Variants in STK32A observed in about 807,000 individuals in gnomAD.
STK32A encodes the protein serine/threonine-protein kinase 32A.
A neutral mutation model predicts 53.2 loss-of-function variants in STK32A; 41 were observed. That is an observed-to-expected ratio of 0.77 (90% CI 0.60 to 1.00). The LOEUF (loss-of-function observed/expected upper bound fraction) is 1.00. Among genes scored for constraint, STK32A ranks in the 50% least tolerant of loss-of-function variants. STK32A has a pLI of 0.00. For synonymous variants in STK32A, 166 were observed against 162.8 expected, an observed-to-expected ratio of 1.02 and a Z score of -0.15; for missense variants, 458 against 485.8, an observed-to-expected ratio of 0.94 and a Z score of 0.54.
intron 4 of STK32A, among the ~76,000 whole-genome samples, chr5:147,320,043 A>C (rs1162524303): frequency 6.6e-6 from 1 of 152,336 alleles, no homozygotes; most frequent in East Asian, 1.9e-4. Context: ...TCATAAAAAA[A>C]ATCATAACGT....
In STK32A at chr5:147,322,224, T is replaced by A. The variant is rs76725978; in HGVS notation, c.261-1674T>A. Among the ~76,000 whole-genome samples, 950 of 152,290 alleles carry A rather than the reference T, an allele frequency of 6.2e-3. 11 individuals are homozygous for A. Among genetic ancestry groups the A allele is most frequent in the African/African-American group, 0.02 (819 of 41,552 alleles). On this transcript the variant is annotated intron_variant, in intron 4 of 12. Coordinates refer to ENST00000397936, the MANE Select transcript of STK32A (RefSeq NM_001112724.2). ...AAGAATAGTATCTCCCAAAAGGCAA[T>A]ACCAAGCATATGTTTCTCAGGCTTT...
intron 4 of STK32A, among the ~76,000 whole-genome samples, chr5:147,315,513 C>T (rs576470295): frequency 6.6e-6 from 1 of 152,126 alleles, no homozygotes; most frequent in East Asian, 1.9e-4. Flanking sequence ...AGATGAGATG[C>T]CTAGAACAGA....
chr5:147,335,690 G>A (rs1413495105), intron 5 of STK32A, among the ~76,000 whole-genome samples: 2 of 152,232 alleles, frequency 1.3e-5, no homozygotes, highest in Non-Finnish European at 2.9e-5. Context: ...CAGGGCCTGT[G>A]GGATGGGATA....
chr5:147,311,165 G>T (rs1403902785), intron 4 of STK32A, among the ~76,000 whole-genome samples: 1 of 152,142 alleles, frequency 6.6e-6, no homozygotes, highest in Non-Finnish European at 1.5e-5. Flanking sequence ...CATGACCCCT[G>T]CAATCAAACT....
Position 147,378,295 on chromosome 5 carries a change from G to C in STK32A, c.1032+3077G>C, listed in dbSNP as rs750810447. ...GTTCCTCCAGATTGAGCAGAGGTAG[G>C]TGAGCATACAGGAAAGGACAAGAGC... On this transcript the variant is annotated intron_variant, in intron 11 of 12. Coordinates refer to ENST00000397936, the MANE Select transcript of STK32A (RefSeq NM_001112724.2). Among the ~76,000 whole-genome samples, 6 of 152,242 alleles carry C rather than the reference G, an allele frequency of 3.9e-5. No homozygotes were observed. In the East Asian group the frequency reaches 1.2e-3, roughly 29 times the overall value.
intron 11 of STK32A, chr5:147,383,105 G>A (rs1451757984): frequency 3.4e-6 from 1 of 298,452 alleles, no homozygotes; most frequent in Non-Finnish European, 6.1e-6. Context: ...CTGCTGCTGT[G>A]CTAAGAGCTT....
At chr5:147,389,421 C>T (rs1209427199), downstream of STK32A, among the ~76,000 whole-genome samples, 3 of 152,110 alleles carry the variant, frequency 2.0e-5, no homozygotes, top group African/African-American at 4.8e-5. Flanking sequence ...ATTGGTCCCA[C>T]GTGCTCTTCT....
intron 4 of STK32A, among the ~76,000 whole-genome samples, chr5:147,302,927 A>T (rs1018186519): frequency 2.0e-5 from 3 of 151,354 alleles, no homozygotes; most frequent in African/African-American, 7.4e-5. Flanking sequence ...TCTTTTCAGT[A>T]TATATTTCTT....
At chr5:147,256,270 G>C (rs1383074413) in intron 2 of STK32A, among the ~76,000 whole-genome samples, 2 of 152,198 alleles carry the variant, frequency 1.3e-5, no homozygotes, top group Non-Finnish European at 2.9e-5. Context: ...ATGGCCCTTG[G>C]GGGCTGACCT....
intron 6 of STK32A, among the ~76,000 whole-genome samples, chr5:147,346,999 A>C (rs1192420747): frequency 3.9e-5 from 6 of 152,224 alleles, no homozygotes; most frequent in African/African-American, 1.4e-4. Flanking sequence ...TTAAAACAAC[A>C]TACAGTGTAG....
chr5:147,401,632 G>A, the STK32A span: 1 of 1,614,038 alleles, frequency 6.2e-7, no homozygotes, highest in African/African-American at 1.3e-5. Context: ...CCCAGTTCTT[G>A]CTCCAATAAT....
intron 10 of STK32A, among the ~76,000 whole-genome samples, chr5:147,374,286 CA>C (rs113267930): frequency 2.4e-3 from 317 of 133,714 alleles, no homozygotes; most frequent in Non-Finnish European, 2.8e-3. Flanking sequence ...GACCCTGTCT[CA>C]AAAAAAAAAA....
Position 147,370,670 on chromosome 5 carries a change from G to A in STK32A, c.677G>A (p.Arg226His), listed in dbSNP as rs201186688. 4.0e-5 allele frequency: 65 copies of A among 1,609,440 alleles called. No individual in the cohort carries two copies. Among genetic ancestry groups the A allele is most frequent in the Admixed American group, 8.3e-5 (5 of 59,886 alleles). The change falls in exon 9 of 13, where the codon CGC (arginine) becomes CAC (histidine). Residue 226 changes from arginine (R) to histidine (H), a missense_variant. Coordinates refer to ENST00000397936, the MANE Select transcript of STK32A (RefSeq NM_001112724.2). ...TCCCTTAAGAGACCGTATCATATTCGCTCCAGTACTTCCAGCAAGGAAATT... is the reference window on the plus strand; with the variant it reads ...TCCCTTAAGAGACCGTATCATATTCACTCCAGTACTTCCAGCAAGGAAATT... Reference protein sequence around the residue: ...LLRGRRPYHIRSSTSSKEIVH... With the variant: ...LLRGRRPYHIHSSTSSKEIVH...
intron 8 of STK32A, among the ~76,000 whole-genome samples, chr5:147,366,052 CAT>C (rs1554108978): frequency 1.8e-4 from 28 of 151,858 alleles, no homozygotes; most frequent in African/African-American, 6.1e-4. Context: ...CACACACACA[CAT>C]ACACATACAC....
intron 7 of STK32A, among the ~76,000 whole-genome samples, chr5:147,353,022 T>G (rs1396460173): frequency 6.6e-6 from 1 of 152,170 alleles, no homozygotes; most frequent in Non-Finnish European, 1.5e-5. Flanking sequence ...AGGCATAGTG[T>G]GATTTAAAGC....
At chr5:147,270,977 A>G (rs6866488) in intron 2 of STK32A, among the ~76,000 whole-genome samples, 89,278 of 151,682 alleles carry the variant, frequency 0.59, 26,640 homozygotes, top group African/African-American at 0.67. Context: ...GAATGCTCAA[A>G]GTAGTTTTGG....
chr5:147,388,255 A>T (rs1454733156), downstream of STK32A, among the ~76,000 whole-genome samples: 1 of 152,170 alleles, frequency 6.6e-6, no homozygotes, highest in African/African-American at 2.4e-5. Context: ...AGAAGTTCTA[A>T]GGTCCATCAC....
intron 11 of STK32A, among the ~76,000 whole-genome samples, chr5:147,380,545 T>G (rs745432460): frequency 2.2e-4 from 34 of 152,322 alleles, no homozygotes; most frequent in Admixed American, 5.9e-4. Flanking sequence ...TGGAAGTATT[T>G]TGTTGCAGAA....
intron 4 of STK32A, among the ~76,000 whole-genome samples, chr5:147,306,446 T>C (rs1753412901): frequency 6.6e-6 from 1 of 151,922 alleles, no homozygotes; most frequent in Non-Finnish European, 1.5e-5. Context: ...TCAGAAGATA[T>C]GTGGCAAAGA....
Sources: gnomAD v4.1 joint callset for allele counts (sites outside exome capture counted in the v4.1 genomes callset) on GRCh38, gnomAD v4.1.1 for gene constraint, MANE v1.5 for transcripts, NCBI Gene and HGNC (gene_info 2026-07-23, HGNC 2026-07-21) for gene names.